The following SEC14L1 variants were observed in gnomAD, a reference collection of about 807,000 sequenced individuals.
The protein encoded by SEC14L1 is SEC14 like lipid binding 1.
SEC14L1 carries 48 observed loss-of-function variants against 85.3 expected under a neutral mutation model. The observed-to-expected ratio is 0.56, with a 90% CI of 0.45 to 0.72. The LOEUF is 0.72. Among genes scored for constraint, SEC14L1 ranks in the 30% least tolerant of loss-of-function variants. SEC14L1 has a pLI of 0.00. For synonymous variants in SEC14L1, 391 were observed against 355.5 expected (o/e 1.10, Z -1.12); for missense variants, 682 against 921.4 (o/e 0.74, Z 3.36).
chr17:77,143,930 A>G (rs1973163833), intron 3 of SEC14L1: 1 of 327,340 alleles, frequency 3.1e-6, no homozygotes, highest in African/African-American at 2.2e-5. Context: ...GTGGGATTCT[A>G]AGCACTTCTT....
At chr17:77,187,202 T>C (rs368869233) in intron 3 of SEC14L1, among the ~76,000 whole-genome samples, 3 of 152,142 alleles carry the variant, frequency 2.0e-5, no homozygotes, top group Non-Finnish European at 4.4e-5. Flanking sequence ...CCCAGGCATT[T>C]TGGAGAAGGG....
rs755189606 is a variant in SEC14L1, at chr17:77,213,418, T to G, written c.1968T>G (p.Leu656=). The part of the protein sequence containing the change: ...ASSLPRVDDV[L]ASLQVSSHKC... ...GCCTTCCCCGGGTGGACGACGTGCT[T>G]GCGTCCCTGCAGGTCTCTTCGCACA... Residue 656 remains leucine, a synonymous_variant, in exon 16 of 17, where the codon CTT becomes CTG. Coordinates refer to ENST00000436233, the MANE Select transcript of SEC14L1 (RefSeq NM_001143998.2). This position sits in a 1 kb window ranked among gnomAD's most constrained non-coding sequence, Gnocchi z 7.1. 4.3e-6 allele frequency: 7 copies of G among 1,613,242 alleles called. No individual in the cohort carries two copies. In the East Asian group the frequency reaches 1.3e-4, roughly 31 times the overall value.
chr17:77,175,905 C>G (rs1221428161), intron 3 of SEC14L1, among the ~76,000 whole-genome samples: 1 of 151,886 alleles, frequency 6.6e-6, no homozygotes, highest in Non-Finnish European at 1.5e-5. Context: ...TTTATGGGCT[C>G]AGAATAGGGA....
At chr17:77,190,284 C>T (rs924034981) in intron 3 of SEC14L1, among the ~76,000 whole-genome samples, 1 of 152,140 alleles carries the variant, frequency 6.6e-6, no homozygotes. Flanking sequence ...TGTTCCCTGA[C>T]AGGTGCAGAT....
intron 3 of SEC14L1, among the ~76,000 whole-genome samples, chr17:77,098,759 C>T (rs746175602): frequency 2.6e-5 from 4 of 152,168 alleles, no homozygotes; most frequent in Non-Finnish European, 4.4e-5. Context: ...GGAGCTCACC[C>T]CGTGGTTTTG....
chr17:77,198,118 A>G (rs1444076059), intron 8 of SEC14L1, among the ~76,000 whole-genome samples: 2 of 152,250 alleles, frequency 1.3e-5, no homozygotes, highest in Non-Finnish European at 2.9e-5. Flanking sequence ...TTTAATAAAT[A>G]AAGGGAACCA....
intron 3 of SEC14L1, among the ~76,000 whole-genome samples, chr17:77,170,114 A>T (rs530459005): frequency 6.6e-6 from 1 of 152,344 alleles, no homozygotes; most frequent in East Asian, 1.9e-4. Flanking sequence ...CACAGGGCAT[A>T]ACAAGACAAG....
chr17:77,155,414 G>C (rs891823660), intron 3 of SEC14L1, among the ~76,000 whole-genome samples: 1 of 152,138 alleles, frequency 6.6e-6, no homozygotes, highest in African/African-American at 2.4e-5. Flanking sequence ...CTTTAGATGT[G>C]TGGCCCCGCA....
chr17:77,175,579 C>T lies in SEC14L1; in HGVS notation c.64-15224C>T, dbSNP rs535754619. On this transcript the variant is annotated intron_variant, in intron 3 of 16. Coordinates refer to ENST00000436233, the MANE Select transcript of SEC14L1 (RefSeq NM_001143998.2). ...CCCGGGCAGCTGTAGTTCCGGCCTA[C>T]TCAGGCTTTTCATGACCTTCATTGT... 2.6e-5 allele frequency among the ~76,000 whole-genome samples: 4 copies of T among 152,346 alleles called. No individual in the cohort carries two copies. The East Asian group carries it at 7.7e-4, about 29-fold the overall frequency.
Position 77,206,681 on chromosome 17 carries a change from C to T in SEC14L1, c.1342-47C>T. 1 of 1,560,402 alleles carries T rather than the reference C, an allele frequency of 6.4e-7. No homozygotes were observed. The highest frequency in any genetic ancestry group is 8.7e-7 in the Non-Finnish European group (1 of 1,155,456). On this transcript the variant is annotated intron_variant, in intron 12 of 16. Transcript: ENST00000436233. The surrounding 1 kb of genome is among the most constrained non-coding windows in gnomAD (Gnocchi z 4.3). The stretch of plus-strand genomic sequence containing the variant: ...CACATTGTCATTTTAATCTTGGACA[C>T]TCAGGCAGCAGAGAAATATGACTGC...
chr17:77,172,178 A>G (rs1259931056), intron 3 of SEC14L1, among the ~76,000 whole-genome samples: 2 of 152,094 alleles, frequency 1.3e-5, no homozygotes, highest in Non-Finnish European at 2.9e-5. Context: ...GAATCAATGA[A>G]AAAGGTGATA....
chr17:77,157,527 T>C (rs60744895), intron 3 of SEC14L1, among the ~76,000 whole-genome samples: 3 of 147,946 alleles, frequency 2.0e-5, no homozygotes, highest in Non-Finnish European at 4.5e-5. Context: ...GTTTCTATTA[T>C]AACTTTTTTT....
At position 77,215,062 on chromosome 17, in the gene SEC14L1, CGTGT is replaced by C. The variant is rs78977258; in HGVS notation, c.*1049_*1052del. The C allele has an allele frequency of 0.21, 202,210 of 983,240 alleles. 21,671 individuals carry two copies. The highest frequency in any genetic ancestry group is 0.25 in the Middle Eastern group (484 of 1,924). 60.9% of individuals were successfully genotyped at this position (983,240 alleles called of 1,614,324 possible). On this transcript the variant is annotated 3_prime_UTR_variant, in exon 17 of 17. Coordinates refer to ENST00000436233, the MANE Select transcript of SEC14L1 (RefSeq NM_001143998.2). ...TGTACATGGGAATTGTGGACTCATG[CGTGT>C]GTGTGTGTGCATGTGCTGTGTGTGT...
At position 77,157,854 on chromosome 17, in the gene SEC14L1, G is replaced by A. The variant is rs114977875; in HGVS notation, c.63+14195G>A. Among the ~76,000 whole-genome samples the A allele has an allele frequency of 4.2e-3, 639 of 151,076 alleles. 3 individuals are homozygous for A. The highest frequency in any genetic ancestry group is 0.014 in the African/African-American group (596 of 41,144). On this transcript the variant is annotated intron_variant, in intron 3 of 16. Coordinates refer to ENST00000436233, the MANE Select transcript of SEC14L1 (RefSeq NM_001143998.2). ...ACTTTTATTTAAAAGTTTTTCAAAC[G>A]AATGGTTTTTTTCAACAGGCTGTAT...
chr17:77,156,385 G>T (rs2143602217), intron 3 of SEC14L1, among the ~76,000 whole-genome samples: 1 of 152,178 alleles, frequency 6.6e-6, no homozygotes. Flanking sequence ...GACCAGCCTG[G>T]CCAACATAGT....
At chr17:77,195,598 C>T (rs973434139) in intron 7 of SEC14L1, among the ~76,000 whole-genome samples, 2 of 152,186 alleles carry the variant, frequency 1.3e-5, no homozygotes, top group Admixed American at 6.5e-5. Context: ...AGTGATTCTC[C>T]TGCCTAAGCC....
Position 77,200,535 on chromosome 17 carries a change from A to G in SEC14L1, c.871A>G (p.Ile291Val). The change falls in exon 9 of 17, where the codon ATT (isoleucine) becomes GTT (valine). Residue 291 changes from isoleucine (I) to valine (V), a missense_variant. Coordinates refer to ENST00000436233, the MANE Select transcript of SEC14L1 (RefSeq NM_001143998.2). Reference sequence around the variant, plus strand: ...GTTCCTCCGTGCACGGGATTTTAATATTGACAAAGCCAGAGAGATCATGTG... The same window carrying G: ...GTTCCTCCGTGCACGGGATTTTAATGTTGACAAAGCCAGAGAGATCATGTG... ...LRFLRARDFN[I>V]DKAREIMCQS... 6.2e-7 allele frequency: 1 copy of G among 1,614,122 alleles called. No homozygotes were observed. Among genetic ancestry groups the G allele is most frequent in the South Asian group, 1.1e-5 (1 of 91,084 alleles).
intron 3 of SEC14L1, among the ~76,000 whole-genome samples, chr17:77,119,933 A>T (rs1486656722): frequency 2.0e-5 from 3 of 152,194 alleles, no homozygotes; most frequent in Non-Finnish European, 1.5e-5. Context: ...GACCTTTGGG[A>T]CATTCCCCAG....
At position 77,211,934 on chromosome 17, in the gene SEC14L1, G is replaced by A. The variant is rs141969441; in HGVS notation, c.1612-16G>A. 7.1e-4 allele frequency: 1,140 copies of A among 1,611,818 alleles called. 5 individuals are homozygous for A. The African/African-American group carries it at 0.013, about 19-fold the overall frequency. ...TGCTCGTGGATCGTGGCTGCCTAAC[G>A]CTGCCTCTTTTTCAGATTCTCATTC... On this transcript the variant is annotated splice_polypyrimidine_tract_variant and intron_variant, in intron 14 of 16. Coordinates refer to ENST00000436233, the MANE Select transcript of SEC14L1 (RefSeq NM_001143998.2).
Sources: allele counts gnomAD v4.1 joint callset (sites outside exome capture counted in the v4.1 genomes callset), GRCh38; gene constraint gnomAD v4.1.1; non-coding constraint Gnocchi (gnomAD v3.1); transcripts MANE v1.5; gene names NCBI Gene and HGNC (gene_info 2026-07-23, HGNC 2026-07-21).